The following CCDC141 variants were observed in gnomAD, a reference collection of about 807,000 sequenced individuals.
CCDC141 encodes the protein coiled-coil domain-containing protein 141.
In CCDC141, 168 loss-of-function variants were observed where a neutral mutation model predicts 181.0. The ratio of observed to expected loss-of-function variants is 0.93; its 90% confidence interval spans 0.82 to 1.05. CCDC141 has a LOEUF of 1.05. CCDC141 is among the 50% of genes least tolerant of loss of function. The probability of loss-of-function intolerance (pLI) is 0.00; values close to 1 mark genes in which losing one functional copy is unlikely to be tolerated. For missense variants in CCDC141, 1,902 were observed against 1,788.5 expected, an observed-to-expected ratio of 1.06 and a Z score of -1.14; for synonymous variants, 666 against 642.3, an observed-to-expected ratio of 1.04 and a Z score of -0.56.
At chr2:179,040,502 T>C (rs1218352335) in intron 2 of CCDC141, among the ~76,000 whole-genome samples, 1 of 152,158 alleles carries the variant, frequency 6.6e-6, no homozygotes, top group African/African-American at 2.4e-5. Context: ...CTAGTATCCA[T>C]TAGGTATTCT....
intron 2 of CCDC141, among the ~76,000 whole-genome samples, chr2:179,032,726 G>A (rs758549822): frequency 6.6e-6 from 1 of 151,972 alleles, no homozygotes; most frequent in Non-Finnish European, 1.5e-5. Flanking sequence ...ACAGGGTGGA[G>A]GATGATCATT....
chr2:178,859,657 T>C (rs956797979), intron 17 of CCDC141, among the ~76,000 whole-genome samples: 1 of 152,246 alleles, frequency 6.6e-6, no homozygotes, highest in Non-Finnish European at 1.5e-5. Flanking sequence ...TTTTCACATG[T>C]TCAGCTCTTC....
At chr2:179,039,492 CT>C (rs1254478039) in intron 2 of CCDC141, among the ~76,000 whole-genome samples, 1 of 151,544 alleles carries the variant, frequency 6.6e-6, no homozygotes, top group African/African-American at 2.4e-5. Context: ...CCCAAATTTT[CT>C]TTTTAGGTGT....
At chr2:178,982,468 T>A (rs1438657685) in intron 2 of CCDC141, among the ~76,000 whole-genome samples, 1 of 152,180 alleles carries the variant, frequency 6.6e-6, no homozygotes, top group African/African-American at 2.4e-5. Flanking sequence ...GGAGCCAAGA[T>A]GGCCGAACAG....
the CCDC141 span, among the ~76,000 whole-genome samples, chr2:178,818,919 C>T: frequency 1.3e-5 from 2 of 151,930 alleles, no homozygotes; most frequent in African/African-American, 2.4e-5. Context: ...TTTGTAAAGG[C>T]GACTTTTATC....
chr2:178,856,483 C>G (rs1685392867), intron 17 of CCDC141, 86 bp from the exon 18 acceptor site: 1 of 943,848 alleles, frequency 1.1e-6, no homozygotes, highest in African/African-American at 1.6e-5. Flanking sequence ...CTGAACACTT[C>G]AAAATACTCA....
chr2:179,049,796 T>C, intron 1 of CCDC141, 44 bp downstream of exon 1: 1 of 1,548,798 alleles, frequency 6.5e-7, no homozygotes, highest in Non-Finnish European at 8.7e-7. Flanking sequence ...AACACACAGC[T>C]AGAAGCCCAC....
intron 5 of CCDC141, among the ~76,000 whole-genome samples, chr2:178,950,339 T>A (rs542512831): frequency 2.6e-5 from 4 of 152,344 alleles, no homozygotes; most frequent in African/African-American, 9.6e-5. Context: ...TTGGGTTTTT[T>A]TTTCTTTTTT....
At chr2:178,960,576 G>C (rs1690353613) in intron 5 of CCDC141, among the ~76,000 whole-genome samples, 1 of 151,974 alleles carries the variant, frequency 6.6e-6, no homozygotes, top group Admixed American at 6.5e-5. Flanking sequence ...TATTTGAGTT[G>C]GGGGTTTGCA....
At position 178,857,786 on chromosome 2, in the gene CCDC141, T is replaced by C. The variant is rs546927335; in HGVS notation, c.2725-1389A>G. Among the ~76,000 whole-genome samples the C allele has an allele frequency of 4.6e-5, 7 of 152,298 alleles. No individual in the cohort carries two copies. The South Asian group carries it at 1.5e-3, about 32-fold the overall frequency. ...GAAGTCAGAAAAGCATTAAAATTCTTTTCAATGATAGCAAACAAATTATTT... is the reference window on the plus strand; with the variant it reads ...GAAGTCAGAAAAGCATTAAAATTCTCTTCAATGATAGCAAACAAATTATTT... On this transcript the variant is annotated intron_variant, in intron 17 of 23. Transcript: ENST00000443758.
chr2:179,012,933 T>A (rs906786679), intron 2 of CCDC141, among the ~76,000 whole-genome samples: 4 of 152,008 alleles, frequency 2.6e-5, no homozygotes, highest in African/African-American at 9.7e-5. Context: ...TGATTAAAAC[T>A]CTCAGCAAAA....
intron 2 of CCDC141, among the ~76,000 whole-genome samples, chr2:179,018,910 AAAGAT>A (rs1201477329): frequency 1.3e-5 from 2 of 152,342 alleles, no homozygotes; most frequent in African/African-American, 2.4e-5. Context: ...CATATTCAGA[AAAGAT>A]AAGTCAATGA....
chr2:178,840,374 A>G (rs1445777285), intron 22 of CCDC141, among the ~76,000 whole-genome samples: 1 of 152,228 alleles, frequency 6.6e-6, no homozygotes, highest in African/African-American at 2.4e-5. Context: ...ATGACTCTCC[A>G]CAGAAGAATA....
chr2:179,045,386 C>A (rs1233083671), intron 2 of CCDC141, among the ~76,000 whole-genome samples: 2 of 148,370 alleles, frequency 1.3e-5, no homozygotes, highest in Admixed American at 1.4e-4. Flanking sequence ...TGTATATGTG[C>A]CACATTTTCT....
At position 178,837,108 on chromosome 2, in the gene CCDC141, C is replaced by T; in HGVS notation, c.4111G>A (p.Gly1371Ser). Residue 1371 changes from glycine (G) to serine (S), a missense_variant, in exon 23 of 24, where the codon GGC (glycine) becomes AGC (serine). By Grantham distance (56) the Gly-to-Ser change is moderately conservative (BLOSUM62 0). Transcript: ENST00000443758. ...CTGGTGCCTGATTGAAACCTGAGGCCCGAGAATGCATCAGAGGAAGCATGC... is the reference window on the plus strand; with the variant it reads ...CTGGTGCCTGATTGAAACCTGAGGCTCGAGAATGCATCAGAGGAAGCATGC... The part of the protein sequence containing the change: ...RLHASSDAFS[G>S]LRFQSGTSRG... 6.2e-7 allele frequency: 1 copy of T among 1,613,894 alleles called. No homozygotes were observed. Among genetic ancestry groups the T allele is most frequent in the Non-Finnish European group, 8.5e-7 (1 of 1,179,932 alleles).
At chr2:179,015,487 CATATATGTGCCATATATA>C (rs1363379970) in intron 2 of CCDC141, among the ~76,000 whole-genome samples, 1 of 64,590 alleles carries the variant, frequency 1.5e-5, no homozygotes, top group Non-Finnish European at 3.8e-5. Context: ...CCATATATAT[CATATATGTGCCATATATA>C]TCATATATGT....
At chr2:178,829,049 G>A, downstream of CCDC141, among the ~76,000 whole-genome samples, 1 of 152,134 alleles carries the variant, frequency 6.6e-6, no homozygotes, top group East Asian at 1.9e-4. Context: ...AAAGAGCCAC[G>A]GCAAGCAGCC....
intron 4 of CCDC141, among the ~76,000 whole-genome samples, chr2:178,962,085 T>A (rs913622866): frequency 6.6e-6 from 1 of 152,172 alleles, no homozygotes; most frequent in Non-Finnish European, 1.5e-5. Flanking sequence ...AAATCTTTCA[T>A]AATTCATATT....
At chr2:178,877,276 T>C (rs1686394238) in intron 12 of CCDC141, 1 of 152,148 alleles carries the variant, frequency 6.6e-6, no homozygotes, top group African/African-American at 2.4e-5. Flanking sequence ...ATACTTTTTG[T>C]CCCTGTGTAG....
Sources: gnomAD v4.1 joint callset for allele counts (sites outside exome capture counted in the v4.1 genomes callset) on GRCh38, gnomAD v4.1.1 for gene constraint, MANE v1.5 for transcripts, NCBI Gene and HGNC (gene_info 2026-07-23, HGNC 2026-07-21) for gene names.